TFG: variants seen among roughly 807,000 people sequenced by gnomAD.
The protein encoded by TFG is trafficking from ER to golgi regulator.
Under a neutral mutation model 51.4 loss-of-function variants are expected in TFG, and 22 were observed. The ratio of observed to expected loss-of-function variants is 0.43; its 90% CI spans 0.31 to 0.61. TFG has a LOEUF of 0.61. Ranked by LOEUF, TFG falls within the 20% of genes least tolerant of loss-of-function variation. TFG has a pLI of 0.12. For missense variants in TFG, 419 were observed against 487.7 expected (o/e 0.86, Z 1.33); for synonymous variants, 187 against 165.6 (o/e 1.13, Z -0.99).
chr3:100,713,068 T>C (rs1360477705), intron 1 of TFG, among the ~76,000 whole-genome samples: 1 of 152,254 alleles, frequency 6.6e-6, no homozygotes, highest in Non-Finnish European at 1.5e-5. Flanking sequence ...TTAACAGTGT[T>C]AACTCTGGTG....
chr3:100,740,735 A>G (rs970361042), intron 6 of TFG, among the ~76,000 whole-genome samples: 2 of 152,150 alleles, frequency 1.3e-5, no homozygotes, highest in South Asian at 2.1e-4. Context: ...AATAATTCCC[A>G]GAAGTCTTAC....
At chr3:100,713,136 C>G (rs1349927321) in intron 1 of TFG, among the ~76,000 whole-genome samples, 1 of 152,198 alleles carries the variant, frequency 6.6e-6, no homozygotes, top group African/African-American at 2.4e-5. Context: ...GGTTAGGAGT[C>G]TTTTCCAGTC....
intron 2 of TFG, among the ~76,000 whole-genome samples, chr3:100,716,250 T>C (rs903896380): frequency 6.6e-6 from 1 of 152,236 alleles, no homozygotes. Context: ...CTGTCATCTG[T>C]TCTGCTTTTT....
intron 4 of TFG, among the ~76,000 whole-genome samples, chr3:100,731,035 T>G (rs1395704525): frequency 6.6e-6 from 1 of 152,180 alleles, no homozygotes; most frequent in Non-Finnish European, 1.5e-5. Context: ...TAGGGTAGCC[T>G]GGAATGGTAT....
At chr3:100,721,964 A>G (rs1441037226) in intron 3 of TFG, among the ~76,000 whole-genome samples, 1 of 152,194 alleles carries the variant, frequency 6.6e-6, no homozygotes, top group African/African-American at 2.4e-5. Flanking sequence ...CAGCCTGAGC[A>G]ACACGGTAAA....
chr3:100,710,856 G>A (rs1468937363), intron 1 of TFG: 1 of 152,214 alleles, frequency 6.6e-6, no homozygotes, highest in East Asian at 1.9e-4. Context: ...CTTTGGAAGA[G>A]AAAATGAGTA....
chr3:100,716,683 T>A (rs1214891383), intron 2 of TFG, among the ~76,000 whole-genome samples: 1 of 152,230 alleles, frequency 6.6e-6, no homozygotes, highest in Non-Finnish European at 1.5e-5. Flanking sequence ...CCTTTTCTCT[T>A]CATTCTTGCC....
At chr3:100,715,837 C>G (rs62274024) in intron 2 of TFG, among the ~76,000 whole-genome samples, 1 of 151,940 alleles carries the variant, frequency 6.6e-6, no homozygotes, top group Non-Finnish European at 1.5e-5. Flanking sequence ...ACTGCCAACC[C>G]GGCCTCCCAA....
In TFG at chr3:100,748,301, C is replaced by G; in HGVS notation, c.973C>G (p.Pro325Ala). ...PPQQYQASNY[P>A]AQTYTAQTSQ... ...ACAGCAGTACCAGGCGAGCAATTAT[C>G]CTGCACAAACTTACACTGCCCAAAC... Residue 325 changes from proline (P) to alanine (A), a missense_variant, in exon 8 of 8, where the codon CCT becomes GCT. By Grantham distance (27) the Pro-to-Ala change is conservative. This residue lies in a region of TFG where 391 missense variants were observed against 434.4 expected (regional missense o/e 0.90). Coordinates refer to ENST00000240851, the MANE Select transcript of TFG (RefSeq NM_006070.6). 1.2e-6 allele frequency: 2 copies of G among 1,614,086 alleles called. No homozygotes were observed. Among genetic ancestry groups the G allele is most frequent in the South Asian group, 1.1e-5 (1 of 91,076 alleles).
intron 7 of TFG, chr3:100,747,408 T>C (rs889561856): frequency 2.6e-5 from 4 of 152,556 alleles, no homozygotes; most frequent in African/African-American, 9.7e-5. Flanking sequence ...TATTTAATGC[T>C]GACAGGATTC....
At chr3:100,739,488 A>G (rs1046507225) in intron 6 of TFG, among the ~76,000 whole-genome samples, 4 of 152,188 alleles carry the variant, frequency 2.6e-5, no homozygotes. Flanking sequence ...TGTAACTGGT[A>G]AGGAGAAGAA....
At chr3:100,733,580 G>A (rs2095097663) in intron 5 of TFG, among the ~76,000 whole-genome samples, 1 of 152,076 alleles carries the variant, frequency 6.6e-6, no homozygotes, top group Admixed American at 6.6e-5. Context: ...GACCCATTTG[G>A]AGTCAGTTTC....
intron 4 of TFG, among the ~76,000 whole-genome samples, chr3:100,732,164 G>A (rs2095093322): frequency 6.6e-6 from 1 of 151,810 alleles, no homozygotes; most frequent in African/African-American, 2.4e-5. Context: ...TCTGATACTA[G>A]GATATAGGTT....
At chr3:100,710,534 G>C (rs1350990893) in intron 1 of TFG, among the ~76,000 whole-genome samples, 1 of 152,194 alleles carries the variant, frequency 6.6e-6, no homozygotes, top group Non-Finnish European at 1.5e-5. Context: ...GAAGGAAACT[G>C]CTCCCCTCAG....
intron 3 of TFG, among the ~76,000 whole-genome samples, chr3:100,721,889 G>A (rs1051193191): frequency 2.0e-5 from 3 of 152,212 alleles, no homozygotes; most frequent in Admixed American, 1.3e-4. Context: ...GGTGGCTCAC[G>A]CCTGTAATTC....
chr3:100,739,752 G>T (rs1299429909), intron 6 of TFG, among the ~76,000 whole-genome samples: 1 of 152,104 alleles, frequency 6.6e-6, no homozygotes, highest in East Asian at 1.9e-4. Context: ...TGCTGGAGTA[G>T]TTTAAATCAA....
chr3:100,735,833 C>A (rs1329832052), intron 5 of TFG, among the ~76,000 whole-genome samples: 3 of 152,068 alleles, frequency 2.0e-5, no homozygotes, highest in African/African-American at 7.2e-5. Flanking sequence ...AATCAACAGT[C>A]AGGAGCCCGG....
chr3:100,714,513 T>A (rs1307093678), intron 2 of TFG, among the ~76,000 whole-genome samples: 2 of 151,262 alleles, frequency 1.3e-5, no homozygotes, highest in South Asian at 2.1e-4. Flanking sequence ...AAAAAAAAAA[T>A]AGCTAATTGG....
intron 4 of TFG, among the ~76,000 whole-genome samples, chr3:100,729,364 TTAAAGAAAAAC>T (rs1356266514): frequency 6.6e-6 from 1 of 152,206 alleles, no homozygotes; most frequent in Non-Finnish European, 1.5e-5. Context: ...TTAATAATAA[TTAAAGAAAAAC>T]TAATTTTTTC....
Sources: gnomAD v4.1 joint callset for allele counts (sites outside exome capture counted in the v4.1 genomes callset) on GRCh38, gnomAD v4.1.1 for gene constraint, gnomAD v4.1.1 regional missense constraint, MANE v1.5 for transcripts, NCBI Gene and HGNC (gene_info 2026-07-23, HGNC 2026-07-21) for gene names.